Variants in PRKACB observed in about 807,000 individuals in gnomAD.
The protein encoded by PRKACB is cAMP-dependent protein kinase catalytic subunit beta.
A neutral mutation model predicts 51.4 loss-of-function variants in PRKACB; 16 were observed. The observed-to-expected ratio is 0.31, with a 90% CI of 0.21 to 0.47. PRKACB has a LOEUF of 0.47. Among genes scored for constraint, PRKACB ranks in the 20% least tolerant of loss-of-function variants. The pLI is 1.00. For synonymous variants in PRKACB, 147 were observed against 154.4 expected (o/e 0.95, Z 0.35); for missense variants, 309 against 464.5 (o/e 0.67, Z 3.08).
At chr1:84,198,744 A>G (rs1668901356) in intron 7 of PRKACB, among the ~76,000 whole-genome samples, 1 of 151,304 alleles carries the variant, frequency 6.6e-6, no homozygotes, top group Non-Finnish European at 1.5e-5. Context: ...AAATACAGAA[A>G]AACATAAACA....
At chr1:84,113,535 A>G (rs754551021) in intron 1 of PRKACB, among the ~76,000 whole-genome samples, 1 of 152,204 alleles carries the variant, frequency 6.6e-6, no homozygotes, top group Admixed American at 6.5e-5. Flanking sequence ...CAAGAGAGCT[A>G]AAAACACTCC....
At chr1:84,102,364 G>A (rs1272728072) in intron 1 of PRKACB, among the ~76,000 whole-genome samples, 1 of 152,094 alleles carries the variant, frequency 6.6e-6, no homozygotes, top group Non-Finnish European at 1.5e-5. Flanking sequence ...TCCAGCCTAG[G>A]CGACAGAGCG....
At chr1:84,234,086 G>GT (rs1164099501) in intron 9 of PRKACB, among the ~76,000 whole-genome samples, 3 of 150,550 alleles carry the variant, frequency 2.0e-5, no homozygotes, top group African/African-American at 7.3e-5. Context: ...GTACAGATGG[G>GT]TTTTTGGTGT....
intron 9 of PRKACB, among the ~76,000 whole-genome samples, chr1:84,234,326 A>T (rs1042840839): frequency 8.5e-5 from 13 of 152,222 alleles, no homozygotes; most frequent in Admixed American, 7.8e-4. Context: ...AAGCTGTCAG[A>T]CAGGGACATT....
chr1:84,095,443 T>C (rs1648857178), intron 1 of PRKACB, among the ~76,000 whole-genome samples: 1 of 152,042 alleles, frequency 6.6e-6, no homozygotes, highest in African/African-American at 2.4e-5. Context: ...ATTACTTTCT[T>C]TGAACACTTT....
chr1:84,141,267 C>G (rs1047637483), upstream of PRKACB, among the ~76,000 whole-genome samples: 10 of 151,922 alleles, frequency 6.6e-5, no homozygotes, highest in African/African-American at 2.4e-4. Flanking sequence ...GTTGTGGAAA[C>G]ACCGCTAGGA....
At chr1:84,083,744 T>C (rs1386288564) in intron 1 of PRKACB, among the ~76,000 whole-genome samples, 1 of 152,224 alleles carries the variant, frequency 6.6e-6, no homozygotes, top group African/African-American at 2.4e-5. Context: ...GTGAATAACA[T>C]TGTGTTAAAT....
intron 1 of PRKACB, among the ~76,000 whole-genome samples, chr1:84,115,530 TAA>T (rs1055282143): frequency 6.6e-6 from 1 of 152,004 alleles, no homozygotes; most frequent in African/African-American, 2.4e-5. Context: ...TTAGTTTAAT[TAA>T]GTTTCATTTG....
chr1:84,218,242 C>T (rs990562125), intron 9 of PRKACB, among the ~76,000 whole-genome samples: 12 of 152,132 alleles, frequency 7.9e-5, no homozygotes, highest in Non-Finnish European at 1.6e-4. Context: ...CTATGAAATG[C>T]TAGAACTTAT....
At chr1:84,144,063 C>T (rs138856622), upstream of PRKACB, among the ~76,000 whole-genome samples, 1,030 of 152,128 alleles carry the variant, frequency 6.8e-3, 6 homozygotes, top group Non-Finnish European at 0.012. Flanking sequence ...ATATATAAAG[C>T]TTTATATTTA....
At chr1:84,142,590 T>C (rs578236181), upstream of PRKACB, among the ~76,000 whole-genome samples, 7 of 152,346 alleles carry the variant, frequency 4.6e-5, no homozygotes, top group African/African-American at 1.7e-4. Context: ...TTGTTTAGAT[T>C]GATAAAAATT....
intron 9 of PRKACB, among the ~76,000 whole-genome samples, chr1:84,234,557 A>G (rs1257734977): frequency 1.3e-5 from 2 of 152,206 alleles, no homozygotes; most frequent in African/African-American, 4.8e-5. Flanking sequence ...TGTGCTAGCA[A>G]TCAGCGAGAC....
intron 7 of PRKACB, among the ~76,000 whole-genome samples, chr1:84,199,124 T>TGC (rs1428454478): frequency 1.0e-4 from 14 of 139,476 alleles, no homozygotes; most frequent in African/African-American, 2.9e-4. Flanking sequence ...TGCATATATA[T>TGC]ATATATATAC....
chr1:84,139,435 T>C (rs1026842178), upstream of PRKACB, among the ~76,000 whole-genome samples: 6 of 152,208 alleles, frequency 3.9e-5, no homozygotes, highest in Non-Finnish European at 8.8e-5. Context: ...ACAATTACTG[T>C]GTACCCATCT....
At chr1:84,081,792 G>T (rs539065495) in intron 1 of PRKACB, among the ~76,000 whole-genome samples, 6 of 152,240 alleles carry the variant, frequency 3.9e-5, no homozygotes, top group African/African-American at 1.2e-4. Flanking sequence ...TTGCAAAAAT[G>T]TTGAGGCCCA....
chr1:84,141,197 A>G (rs934292794), upstream of PRKACB, among the ~76,000 whole-genome samples: 2 of 152,132 alleles, frequency 1.3e-5, no homozygotes, highest in Admixed American at 6.5e-5. Context: ...TTATTTAACT[A>G]CAAGATAAGC....
At chr1:84,118,710 T>G (rs1650823668) in intron 1 of PRKACB, among the ~76,000 whole-genome samples, 1 of 152,048 alleles carries the variant, frequency 6.6e-6, no homozygotes, top group Non-Finnish European at 1.5e-5. Context: ...AAACACAGCA[T>G]CAGTGACTAC....
chr1:84,163,534 T>C (rs1204028989), intron 1 of PRKACB, among the ~76,000 whole-genome samples: 1 of 151,978 alleles, frequency 6.6e-6, no homozygotes, highest in Non-Finnish European at 1.5e-5. Flanking sequence ...GTGAAGCTGC[T>C]AGTTTTCATG....
intron 7 of PRKACB, among the ~76,000 whole-genome samples, chr1:84,200,430 T>C (rs1029345129): frequency 2.0e-5 from 3 of 152,196 alleles, no homozygotes; most frequent in African/African-American, 7.2e-5. Context: ...TCCCATTCTG[T>C]AGGTTGTCTG....
Sources: allele counts gnomAD v4.1 joint callset (sites outside exome capture counted in the v4.1 genomes callset), GRCh38; gene constraint gnomAD v4.1.1; transcripts MANE v1.5; gene names NCBI Gene and HGNC (gene_info 2026-07-23, HGNC 2026-07-21).